OTUB1: variants seen among roughly 807,000 people sequenced by gnomAD.
OTUB1 encodes the protein OTU deubiquitinase, ubiquitin aldehyde binding 1, also known as ubiquitin thioesterase OTUB1.
A neutral mutation model predicts 35.8 loss-of-function variants in OTUB1; 10 were observed. The ratio of observed to expected loss-of-function variants is 0.28; its 90% CI spans 0.17 to 0.47. The LOEUF (loss-of-function observed/expected upper bound fraction) is 0.47. Among genes scored for constraint, OTUB1 ranks in the 20% least tolerant of loss-of-function variants. The probability of loss-of-function intolerance (pLI) is 0.99; values close to 1 mark genes in which losing one functional copy is unlikely to be tolerated. For missense variants in OTUB1, 264 were observed against 351.6 expected (o/e 0.75, Z 1.99); for synonymous variants, 158 against 143.8 (o/e 1.10, Z -0.71).
rs552834213 is a variant in OTUB1 at position 63,996,103 on chromosome 11, G to A, written c.220-427G>A. On this transcript the variant is annotated intron_variant, in intron 3 of 6. Transcript: ENST00000538426. The stretch of plus-strand genomic sequence containing the variant: ...GAACTCTTCTCAGTGTGGCGGGAGC[G>A]GGGCTGAGCTGGGCTGTGCAGAGGG... Among the ~76,000 whole-genome samples the A allele has an allele frequency of 1.4e-4, 22 of 152,274 alleles. No individual in the cohort carries two copies. The East Asian group carries it at 2.9e-3, about 20-fold the overall frequency.
At position 63,988,685 on chromosome 11, in the gene OTUB1, G is replaced by A. The variant is rs369002057; in HGVS notation, c.152G>A (p.Arg51Gln). 257 of 1,613,252 alleles carry A rather than the reference G, an allele frequency of 1.6e-4. No homozygotes were observed. Among genetic ancestry groups the A allele is most frequent in the Non-Finnish European group, 2.0e-4 (233 of 1,179,722 alleles). The change falls in exon 3 of 7, where the codon CGG becomes CAG. Residue 51 changes from arginine to glutamine, a missense_variant. By Grantham distance (43) the Arg-to-Gln change is conservative. Around this residue, in one of 2 missense-constraint regions of OTUB1, gnomAD observed 214 missense variants for 317.1 expected, o/e 0.67. Transcript: ENST00000538426. ...IAVQNPLVSE[R>Q]LELSVLYKEY... Reference sequence around the variant, plus strand: ...GTGCAGAACCCTCTGGTGTCAGAGCGGCTGGAGCTCTCGGTCCTATACAAG... The same window carrying A: ...GTGCAGAACCCTCTGGTGTCAGAGCAGCTGGAGCTCTCGGTCCTATACAAG...
intron 5 of OTUB1, 53 bp downstream of exon 5, chr11:63,996,994 TGAG>T: frequency 6.2e-7 from 1 of 1,611,696 alleles, no homozygotes; most frequent in Non-Finnish European, 8.5e-7. Flanking sequence ...GTTCACCTGG[TGAG>T]GACCACCCAT....
At chr11:63,993,792 C>T (rs1252700108) in intron 3 of OTUB1, among the ~76,000 whole-genome samples, 1 of 152,066 alleles carries the variant, frequency 6.6e-6, no homozygotes, top group Non-Finnish European at 1.5e-5. Context: ...CCCTTGGCCT[C>T]CCAAAACACT....
chr11:63,991,372 C>T (rs1033715928), intron 3 of OTUB1, among the ~76,000 whole-genome samples: 5 of 152,196 alleles, frequency 3.3e-5, no homozygotes, highest in African/African-American at 9.7e-5. Flanking sequence ...CAAGGCCTGC[C>T]GCTCATGCTA....
At position 63,997,671 on chromosome 11, in the gene OTUB1, C is replaced by G; in HGVS notation, c.*125C>G. The G allele has an allele frequency of 1.3e-6, 1 of 795,820 alleles. No individual in the cohort carries two copies. Among genetic ancestry groups the G allele is most frequent in the Non-Finnish European group, 2.1e-6 (1 of 468,188 alleles). The allele number at this position is 795,820 out of a possible 1,614,324, so 49.3% of individuals were successfully genotyped here. The stretch of plus-strand genomic sequence containing the variant: ...CTTCTTCCTGTCACATGACCCCCCC[C>G]CATGTTTTATTAAAGGGGGTGCTGG... On this transcript the variant is annotated 3_prime_UTR_variant, in exon 7 of 7. Transcript: ENST00000538426.
chr11:63,996,704 GCGAGTAGGATGTGTCT>G, intron 4 of OTUB1, 56 bp downstream of exon 4: 1 of 1,613,708 alleles, frequency 6.2e-7, no homozygotes, highest in Non-Finnish European at 8.5e-7. Context: ...TCCTCCCCGG[GCGAGTAGGATGTGTCT>G]CGAGTAGGGT....
At chr11:63,994,406 C>T (rs1942699029) in intron 3 of OTUB1, among the ~76,000 whole-genome samples, 1 of 152,162 alleles carries the variant, frequency 6.6e-6, no homozygotes, top group Non-Finnish European at 1.5e-5. Flanking sequence ...GTGTGTGCCA[C>T]CACGCCCAGT....
rs1438775569 is a variant in OTUB1, at chr11:63,997,131, G to A, written c.505G>A (p.Asp169Asn). 3.1e-6 allele frequency: 5 copies of A among 1,614,074 alleles called. No individual in the cohort carries two copies. Among genetic ancestry groups the A allele is most frequent in the Non-Finnish European group, 3.4e-6 (4 of 1,180,024 alleles). The change falls in exon 6 of 7, where the codon GAC becomes AAC. Residue 169 changes from aspartate (D) to asparagine (N), a missense_variant. Physicochemically the swap from Asp to Asn is conservative, Grantham distance 23 (BLOSUM62 1). This residue lies in a region of OTUB1 where 214 missense variants were observed against 317.1 expected (regional missense o/e 0.67). Transcript: ENST00000538426. ...CTCCTTCAATGACCAGAGCACCTCC[G>A]ACTACCTTGTGGTCTACCTGCGGCT... The part of the protein sequence containing the change: ...LASFNDQSTS[D>N]YLVVYLRLLT...
chr11:63,993,342 A>G (rs552163080), intron 3 of OTUB1, among the ~76,000 whole-genome samples: 33 of 151,990 alleles, frequency 2.2e-4, no homozygotes, highest in Non-Finnish European at 3.8e-4. Flanking sequence ...TTGAGAGTTG[A>G]GATTCACACT....
At chr11:63,994,973 T>A (rs1269123470) in intron 3 of OTUB1, among the ~76,000 whole-genome samples, 1 of 152,110 alleles carries the variant, frequency 6.6e-6, no homozygotes, top group Non-Finnish European at 1.5e-5. Flanking sequence ...AATGTGTATA[T>A]GCTGTTGGGT....
chr11:63,996,396 G>A, intron 3 of OTUB1, 134 bp from the exon 4 acceptor site: 1 of 887,506 alleles, frequency 1.1e-6, no homozygotes, highest in Non-Finnish European at 1.8e-6. Flanking sequence ...CCTGTTTCAG[G>A]GACCCAGGGT....
chr11:63,986,445 C>A lies in OTUB1; in HGVS notation c.-12C>A. 1 of 1,553,258 alleles carries A rather than the reference C, an allele frequency of 6.4e-7. No individual in the cohort carries two copies. The highest frequency in any genetic ancestry group is 8.7e-7 in the Non-Finnish European group (1 of 1,148,422). On this transcript the variant is annotated 5_prime_UTR_variant, in exon 1 of 7. Transcript: ENST00000538426. ...AACCCGGAAGCGGTCGGTAGTGCGG[C>A]GCTGTTTAAAGATGGCGGCGGAGGA...
At chr11:63,995,820 G>A (rs1477095300) in intron 3 of OTUB1, among the ~76,000 whole-genome samples, 1 of 152,192 alleles carries the variant, frequency 6.6e-6, no homozygotes, top group African/African-American at 2.4e-5. Flanking sequence ...GAGAGGGGAG[G>A]GTGCCCAGGC....
At chr11:63,992,044 C>G (rs915958824) in intron 3 of OTUB1, among the ~76,000 whole-genome samples, 1 of 152,126 alleles carries the variant, frequency 6.6e-6, no homozygotes, top group Non-Finnish European at 1.5e-5. Context: ...ATGGTGAAAC[C>G]TCGTCTCTAC....
In OTUB1 at chr11:63,997,104, G is replaced by T. The variant is rs1467186831; in HGVS notation, c.478G>T (p.Ala160Ser). The change falls in exon 6 of 7, where the codon GCC becomes TCC. Residue 160 changes from alanine to serine, a missense_variant. Ala to Ser is a moderately conservative substitution (Grantham distance 99). Transcript: ENST00000538426. ...EKQTSVADLLASFNDQSTSDY... is the reference protein window; with the variant it reads ...EKQTSVADLLSSFNDQSTSDY... ...GCAGACCTCTGTCGCCGACCTGCTG[G>T]CCTCCTTCAATGACCAGAGCACCTC... 5 of 1,614,068 alleles carry T rather than the reference G, an allele frequency of 3.1e-6. No homozygotes were observed. The highest frequency in any genetic ancestry group is 3.4e-6 in the Non-Finnish European group (4 of 1,180,038).
intron 3 of OTUB1, chr11:63,990,490 C>T (rs1942661320): frequency 6.6e-6 from 1 of 151,574 alleles, no homozygotes; most frequent in South Asian, 2.1e-4. Flanking sequence ...CCCAGCTACT[C>T]AAGAGGCTGC....
chr11:63,987,637 C>T (rs1289619887), intron 1 of OTUB1, among the ~76,000 whole-genome samples: 3 of 152,214 alleles, frequency 2.0e-5, no homozygotes, highest in Non-Finnish European at 4.4e-5. Flanking sequence ...AGGTCTTTTG[C>T]TAGTTGTGAC....
intron 1 of OTUB1, among the ~76,000 whole-genome samples, chr11:63,987,730 G>A (rs762450860): frequency 1.3e-5 from 2 of 152,216 alleles, no homozygotes; most frequent in Non-Finnish European, 2.9e-5. Flanking sequence ...GACCGCAAGA[G>A]GATGAAGGCG....
At chr11:63,986,894 C>T (rs1565183812) in intron 1 of OTUB1, 1 of 208,306 alleles carries the variant, frequency 4.8e-6, no homozygotes, top group Non-Finnish European at 9.5e-6. Context: ...CCGGCCTGCT[C>T]CAGCGGCGGC....
Sources: allele counts gnomAD v4.1 joint callset (sites outside exome capture counted in the v4.1 genomes callset), GRCh38; gene constraint gnomAD v4.1.1; regional missense constraint gnomAD v4.1.1; transcripts MANE v1.5; gene names NCBI Gene and HGNC (gene_info 2026-07-23, HGNC 2026-07-21).